ZNF365: variants seen among roughly 807,000 people sequenced by gnomAD.
The protein encoded by ZNF365 is zinc finger protein 365, also known as protein ZNF365.
A neutral mutation model predicts 35.0 loss-of-function variants in ZNF365; 22 were observed. That is an observed-to-expected ratio of 0.63 (90% confidence interval 0.45 to 0.90). The LOEUF is 0.90. Among genes scored for constraint, ZNF365 ranks in the 40% least tolerant of loss-of-function variants. The pLI is 0.00. For synonymous variants in ZNF365, 188 were observed against 196.2 expected (o/e 0.96, Z 0.35); for missense variants, 448 against 500.3 (o/e 0.90, Z 1.00).
intron 3 of ZNF365, among the ~76,000 whole-genome samples, chr10:62,397,262 A>T (rs1413114115): frequency 3.3e-5 from 4 of 121,988 alleles, no homozygotes; most frequent in Non-Finnish European, 6.8e-5. Flanking sequence ...TCTCCTCATG[A>T]CCTGAGCCTC....
intron 3 of ZNF365, among the ~76,000 whole-genome samples, chr10:62,440,512 C>T: frequency 6.6e-6 from 1 of 151,968 alleles, no homozygotes; most frequent in East Asian, 1.9e-4. Flanking sequence ...CAGCACTGTG[C>T]CTTGTACAGA....
intron 3 of ZNF365, among the ~76,000 whole-genome samples, chr10:62,449,309 G>C (rs1409697762): frequency 1.3e-5 from 2 of 152,272 alleles, no homozygotes; most frequent in Admixed American, 6.5e-5. Context: ...GGTTGTTTTG[G>C]GGGGCAAGGG....
chr10:62,458,860 A>G (rs1481729400), intron 3 of ZNF365, among the ~76,000 whole-genome samples: 2 of 152,186 alleles, frequency 1.3e-5, no homozygotes, highest in African/African-American at 2.4e-5. Flanking sequence ...GGCTTTATCT[A>G]TATTTTGGTT....
chr10:62,386,358 A>G (rs1394768190), intron 2 of ZNF365, among the ~76,000 whole-genome samples: 1 of 152,226 alleles, frequency 6.6e-6, no homozygotes, highest in Non-Finnish European at 1.5e-5. Context: ...ACGATGAAAA[A>G]AATTCTTTTC....
intron 3 of ZNF365, among the ~76,000 whole-genome samples, chr10:62,409,195 A>G (rs1023180450): frequency 3.3e-5 from 5 of 152,146 alleles, no homozygotes; most frequent in Non-Finnish European, 5.9e-5. Flanking sequence ...TGTGTATAAA[A>G]TCCTGTCTGG....
At chr10:62,423,544 AT>A (rs1840206451) in intron 3 of ZNF365, among the ~76,000 whole-genome samples, 1 of 152,182 alleles carries the variant, frequency 6.6e-6, no homozygotes, top group Non-Finnish European at 1.5e-5. Context: ...AAAGTGTTAA[AT>A]TTTTACACTA....
In ZNF365 at chr10:62,400,714, C is replaced by T; in HGVS notation, c.*925C>T. The T allele has an allele frequency of 3.0e-6, 3 of 985,710 alleles. No individual in the cohort carries two copies. The highest frequency in any genetic ancestry group is 3.6e-6 in the Non-Finnish European group (3 of 830,044). The allele number at this position is 985,710 out of a possible 1,614,324, so 61.1% of individuals were successfully genotyped here. ...CCTTTCCTAAGACCTGCTTCCCGGCCAGTGTCAGTGGCCCTCTCTCTCTCT... is the reference window on the plus strand; with the variant it reads ...CCTTTCCTAAGACCTGCTTCCCGGCTAGTGTCAGTGGCCCTCTCTCTCTCT... On this transcript the variant is annotated 3_prime_UTR_variant, in exon 5 of 5. Transcript: ENST00000395254.
chr10:62,476,957 T>G (rs73282658), intron 4 of ZNF365, among the ~76,000 whole-genome samples: 9,152 of 152,288 alleles, frequency 0.06, 432 homozygotes, highest in African/African-American at 0.12. Flanking sequence ...ATCTTAAAAT[T>G]AGATTTACTA....
At chr10:62,477,582 G>A (rs929745265) in intron 4 of ZNF365, among the ~76,000 whole-genome samples, 2 of 152,132 alleles carry the variant, frequency 1.3e-5, no homozygotes, top group African/African-American at 2.4e-5. Flanking sequence ...TTATTGCTGT[G>A]ACTATCAGAA....
chr10:62,462,266 T>C (rs1382458193), intron 4 of ZNF365, among the ~76,000 whole-genome samples: 1 of 152,246 alleles, frequency 6.6e-6, no homozygotes, highest in East Asian at 1.9e-4. Context: ...TTTTACACTT[T>C]CTCTTCATAT....
chr10:62,426,758 G>T (rs1012790898), intron 3 of ZNF365, among the ~76,000 whole-genome samples: 4 of 152,060 alleles, frequency 2.6e-5, no homozygotes, highest in South Asian at 2.1e-4. Context: ...GTCCTTAGGT[G>T]CCTGATATCC....
chr10:62,420,829 C>T (rs1840155643), intron 3 of ZNF365, among the ~76,000 whole-genome samples: 1 of 151,722 alleles, frequency 6.6e-6, no homozygotes, highest in Non-Finnish European at 1.5e-5. Flanking sequence ...GTCACCTGGG[C>T]TGGAGTGCAG....
At chr10:62,466,168 C>G (rs1042481233) in intron 4 of ZNF365, among the ~76,000 whole-genome samples, 1 of 152,188 alleles carries the variant, frequency 6.6e-6, no homozygotes, top group African/African-American at 2.4e-5. Context: ...TGGGGCTTCC[C>G]GAACCTGAGC....
intron 3 of ZNF365, among the ~76,000 whole-genome samples, chr10:62,441,058 A>G (rs988123802): frequency 5.3e-5 from 8 of 152,350 alleles, no homozygotes; most frequent in Admixed American, 4.6e-4. Context: ...ATTGATGATT[A>G]TTATGAGTAT....
chr10:62,445,476 T>TC (rs2132468304), intron 3 of ZNF365, among the ~76,000 whole-genome samples: 1 of 152,266 alleles, frequency 6.6e-6, no homozygotes, highest in East Asian at 1.9e-4. Flanking sequence ...TTCTAAGCAG[T>TC]CCCCAGTTCT....
intron 3 of ZNF365, among the ~76,000 whole-genome samples, chr10:62,452,963 T>C (rs1277612738): frequency 6.6e-6 from 1 of 152,244 alleles, no homozygotes; most frequent in Non-Finnish European, 1.5e-5. Flanking sequence ...TAAGTGTATC[T>C]TCCTGGCTTA....
At chr10:62,414,595 A>C (rs1324975415) in intron 3 of ZNF365, among the ~76,000 whole-genome samples, 1 of 152,082 alleles carries the variant, frequency 6.6e-6, no homozygotes, top group Non-Finnish European at 1.5e-5. Flanking sequence ...CAGGTAATGC[A>C]TCTTCTTTTT....
intron 3 of ZNF365, among the ~76,000 whole-genome samples, chr10:62,445,044 C>T (rs184265457): frequency 0.011 from 1,655 of 151,582 alleles, 21 homozygotes; most frequent in African/African-American, 0.038. Context: ...TTTGTCCTTG[C>T]GATAGTTTAC....
At chr10:62,459,941 C>A in intron 4 of ZNF365, 1 of 698,706 alleles carries the variant, frequency 1.4e-6, no homozygotes. Flanking sequence ...CTCCTTCTCC[C>A]AAGTCATCAT....
Sources: gnomAD v4.1 joint callset for allele counts (sites outside exome capture counted in the v4.1 genomes callset) on GRCh38, gnomAD v4.1.1 for gene constraint, MANE v1.5 for transcripts, NCBI Gene and HGNC (gene_info 2026-07-23, HGNC 2026-07-21) for gene names.